The following PEX14 variants were observed in gnomAD, a reference collection of about 807,000 sequenced individuals.
PEX14 encodes the protein peroxisomal biogenesis factor 14.
Under a neutral mutation model 49.5 loss-of-function variants are expected in PEX14, and 15 were observed. That is an observed-to-expected ratio of 0.30 (90% CI 0.20 to 0.47). The LOEUF (loss-of-function observed/expected upper bound fraction) is 0.47. PEX14 is among the 20% of genes least tolerant of loss of function. PEX14 has a pLI of 1.00. For synonymous variants in PEX14, 210 were observed against 212.7 expected, an observed-to-expected ratio of 0.99 and a Z score of 0.11; for missense variants, 398 against 494.8, an observed-to-expected ratio of 0.80 and a Z score of 1.86.
rs1472450197 is a variant in PEX14, at chr1:10,514,268, G to C, written c.84+18947G>C. 6.6e-6 allele frequency among the ~76,000 whole-genome samples: 1 copy of C among 151,222 alleles called. No homozygotes were observed. Among genetic ancestry groups the C allele is most frequent in the Non-Finnish European group, 1.5e-5 (1 of 67,894 alleles). On this transcript the variant is annotated intron_variant, in intron 2 of 8. Transcript: ENST00000356607. This position sits in a 1 kb window ranked among gnomAD's most constrained non-coding sequence, Gnocchi z 4.4. ...GAAACTTCTGTCATCCTTTCTCCCA[G>C]TTCAGGTTGATTTGTACGGTGCTGC...
At chr1:10,480,362 G>A (rs985728896) in intron 1 of PEX14, among the ~76,000 whole-genome samples, 1 of 149,142 alleles carries the variant, frequency 6.7e-6, no homozygotes, top group Non-Finnish European at 1.5e-5. Flanking sequence ...TGAGACTACA[G>A]GTGTGTGCCA....
intron 2 of PEX14, among the ~76,000 whole-genome samples, chr1:10,534,458 C>T (rs1292810130): frequency 6.6e-6 from 1 of 152,026 alleles, no homozygotes; most frequent in Non-Finnish European, 1.5e-5. Flanking sequence ...TACCTCTACC[C>T]ATCCCCTTTT....
intron 8 of PEX14, among the ~76,000 whole-genome samples, chr1:10,627,857 A>G (rs944791124): frequency 6.6e-6 from 1 of 152,194 alleles, no homozygotes. Flanking sequence ...GCGACAGCAC[A>G]TTGTCACCAA....
intron 1 of PEX14, among the ~76,000 whole-genome samples, chr1:10,493,412 A>G (rs1262193499): frequency 1.3e-5 from 2 of 152,104 alleles, no homozygotes; most frequent in African/African-American, 4.8e-5. Context: ...AGAAAAACGG[A>G]TGGATTGTTT....
intron 7 of PEX14, among the ~76,000 whole-genome samples, chr1:10,625,118 G>A (rs966776752): frequency 6.6e-6 from 1 of 152,186 alleles, no homozygotes; most frequent in Non-Finnish European, 1.5e-5. Flanking sequence ...GTAAAATGGA[G>A]CCATAACGGC....
At chr1:10,598,311 G>A (rs973152346) in intron 3 of PEX14, among the ~76,000 whole-genome samples, 1 of 152,176 alleles carries the variant, frequency 6.6e-6, no homozygotes, top group Admixed American at 6.5e-5. Flanking sequence ...ATACTTGAGC[G>A]CCACATTTCA....
chr1:10,557,318 G>A (rs1639515927), intron 3 of PEX14, among the ~76,000 whole-genome samples: 1 of 152,208 alleles, frequency 6.6e-6, no homozygotes, highest in Non-Finnish European at 1.5e-5. Flanking sequence ...GGGTGCAATG[G>A]CTCACGCCTG....
chr1:10,578,464 A>G (rs1640214354), intron 3 of PEX14, among the ~76,000 whole-genome samples: 1 of 152,158 alleles, frequency 6.6e-6, no homozygotes. Context: ...TGTCTACTAG[A>G]AAAAACTGAA....
intron 1 of PEX14, among the ~76,000 whole-genome samples, chr1:10,492,386 A>G (rs1401675480): frequency 1.4e-4 from 21 of 152,310 alleles, no homozygotes; most frequent in East Asian, 1.9e-4. Flanking sequence ...AACCTACATT[A>G]TTATTTATGG....
chr1:10,564,938 C>G (rs1425034928), intron 3 of PEX14, among the ~76,000 whole-genome samples: 1 of 124,658 alleles, frequency 8.0e-6, no homozygotes, highest in African/African-American at 3.0e-5. Flanking sequence ...GAGTCTTACT[C>G]TGTCACCCAG....
At chr1:10,571,414 A>G (rs1041279577) in intron 3 of PEX14, among the ~76,000 whole-genome samples, 1 of 152,050 alleles carries the variant, frequency 6.6e-6, no homozygotes, top group East Asian at 1.9e-4. Flanking sequence ...TATGATGGGT[A>G]CAGAGTTTCA....
intron 2 of PEX14, chr1:10,535,815 T>G: frequency 1.2e-5 from 4 of 330,380 alleles, no homozygotes; most frequent in South Asian, 5.2e-5. Context: ...GCGCGTGGGG[T>G]AACGTTTAGA....
chr1:10,574,859 C>A (rs567696534), intron 3 of PEX14, among the ~76,000 whole-genome samples: 1 of 152,062 alleles, frequency 6.6e-6, no homozygotes, highest in Admixed American at 6.6e-5. Flanking sequence ...ACTAGTGATC[C>A]CAGAGCTTAG....
Position 10,613,463 on chromosome 1 carries a change from A to G in PEX14, c.299-4869A>G, listed in dbSNP as rs1377627962. Among the ~76,000 whole-genome samples the G allele has an allele frequency of 1.3e-5, 2 of 152,166 alleles. No individual in the cohort carries two copies. The highest frequency in any genetic ancestry group is 6.5e-5 in the Admixed American group (1 of 15,280). On this transcript the variant is annotated intron_variant, in intron 4 of 8. Coordinates refer to ENST00000356607, the MANE Select transcript of PEX14 (RefSeq NM_004565.3). This position sits in a 1 kb window ranked among gnomAD's most constrained non-coding sequence, Gnocchi z 5.0. ...TGAAGAGCTCCATGCCCTTTGCTCT[A>G]TAGCAGTTTATCCCCTGACCTCATT...
chr1:10,483,077 T>G (rs1641310196), intron 1 of PEX14, among the ~76,000 whole-genome samples: 1 of 152,364 alleles, frequency 6.6e-6, no homozygotes, highest in East Asian at 1.9e-4. Context: ...TTTGATTGTT[T>G]GGTTAAGGTG....
At position 10,495,653 on chromosome 1, in the gene PEX14, T is replaced by C. The variant is rs1165328367; in HGVS notation, c.84+332T>C. 6.6e-6 allele frequency among the ~76,000 whole-genome samples: 1 copy of C among 152,090 alleles called. No individual in the cohort carries two copies. The highest frequency in any genetic ancestry group is 1.5e-5 in the Non-Finnish European group (1 of 68,014). ...GGAGTGAGGTGGCTGGGCTTCTAGA[T>C]TGTTTGAAGTAGCCGCCCTCTGCTC... On this transcript the variant is annotated intron_variant, in intron 2 of 8. Transcript: ENST00000356607. This position sits in a 1 kb window ranked among gnomAD's most constrained non-coding sequence, Gnocchi z 4.2.
In PEX14 at chr1:10,628,268, A is replaced by G. The variant is rs368853733; in HGVS notation, c.677+905A>G. Among the ~76,000 whole-genome samples, 8 of 152,350 alleles carry G rather than the reference A, an allele frequency of 5.3e-5. No homozygotes were observed. The East Asian group carries it at 1.5e-3, about 29-fold the overall frequency. On this transcript the variant is annotated intron_variant, in intron 8 of 8. Transcript: ENST00000356607. The surrounding 1 kb of genome is among the most constrained non-coding windows in gnomAD (Gnocchi z 4.5). ...TTTTAAAACTGAAAGTCCAGTGTCC[A>G]GGAGCCACTCTGTCCTGGGAGCCGC...
intron 4 of PEX14, chr1:10,616,954 G>C (rs947902320): frequency 6.6e-6 from 1 of 151,896 alleles, no homozygotes; most frequent in African/African-American, 2.4e-5. Flanking sequence ...TCTGCACTAA[G>C]TTCTGCATCA....
chr1:10,512,570 A>G lies in PEX14; in HGVS notation c.84+17249A>G, dbSNP rs1346874615. On this transcript the variant is annotated intron_variant, in intron 2 of 8. Transcript: ENST00000356607. This position sits in a 1 kb window ranked among gnomAD's most constrained non-coding sequence, Gnocchi z 4.6. ...ACTGGCGTCGGTGGTTATATTCCAC[A>G]TTTGTCAAATCCTTAAATCCAACTG... Among the ~76,000 whole-genome samples the G allele has an allele frequency of 2.0e-5, 3 of 152,194 alleles. No homozygotes were observed. The highest frequency in any genetic ancestry group is 3.8e-4 in the East Asian group (2 of 5,196).
Sources: allele counts gnomAD v4.1 joint callset (sites outside exome capture counted in the v4.1 genomes callset), GRCh38; gene constraint gnomAD v4.1.1; non-coding constraint Gnocchi (gnomAD v3.1); transcripts MANE v1.5; gene names NCBI Gene and HGNC (gene_info 2026-07-23, HGNC 2026-07-21).